ZC3H14: variants seen among roughly 807,000 people sequenced by gnomAD.
ZC3H14 encodes zinc finger CCCH-type containing 14, also known as zinc finger CCCH domain-containing protein 14.
A neutral mutation model predicts 92.4 loss-of-function variants in ZC3H14; 31 were observed. The ratio of observed to expected loss-of-function variants is 0.34; its 90% CI spans 0.25 to 0.45. The LOEUF (loss-of-function observed/expected upper bound fraction) is 0.45, where lower values mean the gene tolerates loss of function less well. Ranked by LOEUF, ZC3H14 falls within the 20% of genes least tolerant of loss-of-function variation. The pLI is 1.00. For synonymous variants in ZC3H14, 321 were observed against 300.9 expected (o/e 1.07, Z -0.69); for missense variants, 781 against 897.3 (o/e 0.87, Z 1.66).
chr14:88,596,247 A>G (rs1212704845), intron 9 of ZC3H14, among the ~76,000 whole-genome samples: 1 of 152,048 alleles, frequency 6.6e-6, no homozygotes, highest in African/African-American at 2.4e-5. Context: ...CGAAGCCCAG[A>G]GTTTGTCTTT....
intron 2 of ZC3H14, among the ~76,000 whole-genome samples, chr14:88,566,835 G>A (rs1191515660): frequency 2.0e-5 from 3 of 151,420 alleles, no homozygotes; most frequent in Admixed American, 2.0e-4. Flanking sequence ...CAGGAGAATC[G>A]CTTGAACCCA....
rs2086845175 is a variant in ZC3H14 at position 88,611,841 on chromosome 14, A to G, written c.*90A>G. ...TCTACAGAACTTGTCAAATCTTTGA[A>G]ACTTGGAATATATTGCTTTCATAAT... On this transcript the variant is annotated 3_prime_UTR_variant, in exon 17 of 17. Coordinates refer to ENST00000251038, the MANE Select transcript of ZC3H14 (RefSeq NM_024824.5). 4 of 1,546,420 alleles carry G rather than the reference A, an allele frequency of 2.6e-6. No homozygotes were observed. The highest frequency in any genetic ancestry group is 3.6e-6 in the Non-Finnish European group (4 of 1,123,982).
chr14:88,578,184 A>T, intron 9 of ZC3H14, 44 bp downstream of exon 9: 2 of 1,604,746 alleles, frequency 1.2e-6, no homozygotes, highest in Non-Finnish European at 1.7e-6. Context: ...CAGTTTTTTC[A>T]TGAGGCATTG....
At chr14:88,582,122 A>G (rs1406528763) in intron 9 of ZC3H14, among the ~76,000 whole-genome samples, 1 of 152,246 alleles carries the variant, frequency 6.6e-6, no homozygotes, top group Non-Finnish European at 1.5e-5. Flanking sequence ...CCAACCTCTG[A>G]TATAGTAGAT....
At position 88,572,924 on chromosome 14, in the gene ZC3H14, TTG is replaced by T. The variant is rs1566900818; in HGVS notation, c.783_784del (p.Cys261Ter). 6.2e-7 allele frequency: 1 copy of T among 1,614,182 alleles called. No individual in the cohort carries two copies. The highest frequency in any genetic ancestry group is 1.7e-5 in the Admixed American group (1 of 60,024). On this transcript the variant is annotated frameshift_variant, in exon 6 of 17. Transcript: ENST00000251038. LOFTEE classifies it high-confidence loss of function. ...QSSWVYETGR[L>X]CEPEVLNSLE... Reference sequence around the variant, plus strand: ...TAGTTGGGTATATGAAACAGGACGTTTGTGTGAACCAGAGGTGCTTAACAGCT... The same window carrying T: ...TAGTTGGGTATATGAAACAGGACGTTTGTGAACCAGAGGTGCTTAACAGCT...
intron 12 of ZC3H14, among the ~76,000 whole-genome samples, chr14:88,605,173 T>G (rs1227913618): frequency 6.6e-6 from 1 of 152,218 alleles, no homozygotes; most frequent in Non-Finnish European, 1.5e-5. Context: ...TTCTTGTGTA[T>G]ATATTATAGT....
At chr14:88,570,030 G>A (rs2080195003) in intron 3 of ZC3H14, among the ~76,000 whole-genome samples, 2 of 152,036 alleles carry the variant, frequency 1.3e-5, no homozygotes, top group South Asian at 2.1e-4. Context: ...TAAAGCGACC[G>A]AGTAGATCCT....
intron 2 of ZC3H14, among the ~76,000 whole-genome samples, chr14:88,565,876 T>A (rs2079502261): frequency 2.0e-5 from 3 of 151,368 alleles, no homozygotes. Context: ...TTTTTCTTTT[T>A]CTTTTTTTTG....
intron 16 of ZC3H14, 34 bp from the exon 17 acceptor site, chr14:88,611,711 A>ATAATT (rs2086827412): frequency 6.2e-7 from 1 of 1,613,856 alleles, no homozygotes; most frequent in African/African-American, 1.3e-5. Flanking sequence ...TACAAAGCAG[A>ATAATT]TAATTAAAAC....
chr14:88,571,825 A>G (rs2080441899), intron 4 of ZC3H14, among the ~76,000 whole-genome samples: 1 of 152,126 alleles, frequency 6.6e-6, no homozygotes, highest in African/African-American at 2.4e-5. Flanking sequence ...TTAGCCAGGC[A>G]TCGTGGCACA....
At position 88,578,001 on chromosome 14, in the gene ZC3H14, A is replaced by C. The variant is rs747703049; in HGVS notation, c.1140A>C (p.Thr380=). ...TNYSTVPQKQ[T]LPVAPRTRTS... Reference sequence around the variant, plus strand: ...ATGTGAAAGTTCCACAGAAACAGACACTTCCAGTTGCTCCCAGAACTCGAA... The same window carrying C: ...ATGTGAAAGTTCCACAGAAACAGACCCTTCCAGTTGCTCCCAGAACTCGAA... The change falls in exon 9 of 17, where the codon ACA becomes ACC. Residue 380 remains threonine (T), a synonymous_variant. Coordinates refer to ENST00000251038, the MANE Select transcript of ZC3H14 (RefSeq NM_024824.5). 2 of 1,614,194 alleles carry C rather than the reference A, an allele frequency of 1.2e-6. No individual in the cohort carries two copies. The highest frequency in any genetic ancestry group is 2.2e-5 in the South Asian group (2 of 91,082).
chr14:88,573,619 G>A (rs2080774951), intron 6 of ZC3H14: 1 of 151,982 alleles, frequency 6.6e-6, no homozygotes, highest in Non-Finnish European at 1.5e-5. Context: ...AGCAAAGACA[G>A]GGTTTCACCG....
At chr14:88,564,341 T>A (rs536408636) in intron 2 of ZC3H14, among the ~76,000 whole-genome samples, 4 of 152,338 alleles carry the variant, frequency 2.6e-5, no homozygotes, top group East Asian at 1.9e-4. Flanking sequence ...GCTTAACTAT[T>A]GTATATGTAT....
At chr14:88,598,031 C>T (rs2084084507) in intron 10 of ZC3H14, among the ~76,000 whole-genome samples, 1 of 152,136 alleles carries the variant, frequency 6.6e-6, no homozygotes, top group Non-Finnish European at 1.5e-5. Context: ...TGTTATTTCT[C>T]TGTGGTCTGA....
intron 8 of ZC3H14, among the ~76,000 whole-genome samples, chr14:88,576,604 C>T (rs1049722448): frequency 2.6e-5 from 4 of 152,120 alleles, no homozygotes; most frequent in East Asian, 1.9e-4. Flanking sequence ...ACTCTCTGGC[C>T]GACCTGTTGT....
At chr14:88,578,781 G>GTTGTT (rs2081502583) in intron 9 of ZC3H14, among the ~76,000 whole-genome samples, 4 of 76,816 alleles carry the variant, frequency 5.2e-5, no homozygotes, top group African/African-American at 1.6e-4. Flanking sequence ...TTGCTTCCAG[G>GTTGTT]TTTTTTTTTT....
At chr14:88,578,587 C>T (rs1203302846) in intron 9 of ZC3H14, among the ~76,000 whole-genome samples, 1 of 152,098 alleles carries the variant, frequency 6.6e-6, no homozygotes. Flanking sequence ...TTAGATAGCT[C>T]CTTCTTAAAG....
At chr14:88,599,789 CAGAA>C (rs755978939) in intron 10 of ZC3H14, among the ~76,000 whole-genome samples, 1 of 152,220 alleles carries the variant, frequency 6.6e-6, no homozygotes, top group Non-Finnish European at 1.5e-5. Context: ...TCCTTCGTCT[CAGAA>C]AGTGCAGAGT....
intron 8 of ZC3H14, 30 bp downstream of exon 8, chr14:88,575,970 G>C: frequency 1.3e-6 from 2 of 1,535,392 alleles, no homozygotes; most frequent in Non-Finnish European, 1.8e-6. Context: ...TTTACACTTG[G>C]TAAGACATTT....
Sources: gnomAD v4.1 joint callset for allele counts (sites outside exome capture counted in the v4.1 genomes callset) on GRCh38, gnomAD v4.1.1 for gene constraint, MANE v1.5 for transcripts, NCBI Gene and HGNC (gene_info 2026-07-23, HGNC 2026-07-21) for gene names.